The following FSHR variants were observed in gnomAD, a reference collection of about 807,000 sequenced individuals.
FSHR encodes the protein follicle-stimulating hormone receptor.
In FSHR, 46 loss-of-function variants were observed where a neutral mutation model predicts 52.1. That is an observed-to-expected ratio of 0.88 (90% CI 0.70 to 1.13). The LOEUF (loss-of-function observed/expected upper bound fraction) is 1.13. FSHR is among the 50% of genes most tolerant of loss of function. The pLI, the probability that FSHR is intolerant of heterozygous loss-of-function variation, is 0.00. For synonymous variants in FSHR, 399 were observed against 309.6 expected, an observed-to-expected ratio of 1.29 and a Z score of -3.03; for missense variants, 964 against 834.6, an observed-to-expected ratio of 1.16 and a Z score of -1.91.
intron 1 of FSHR, among the ~76,000 whole-genome samples, chr2:49,076,648 CA>C (rs567198515): frequency 8.5e-5 from 13 of 152,168 alleles, no homozygotes; most frequent in Non-Finnish European, 1.8e-4. Context: ...CAAAAATCCA[CA>C]ATCCAGAGTC....
At chr2:49,127,873 TCTTCTTCTTC>T (rs1672110592) in intron 1 of FSHR, among the ~76,000 whole-genome samples, 1 of 45,374 alleles carries the variant, frequency 2.2e-5, no homozygotes, top group African/African-American at 1.6e-4. Context: ...TTCTTCTTCT[TCTTCTTCTTC>T]TTCTTCTTCT....
intron 6 of FSHR, among the ~76,000 whole-genome samples, chr2:48,983,913 C>A (rs1036484481): frequency 6.6e-6 from 1 of 152,014 alleles, no homozygotes; most frequent in Non-Finnish European, 1.5e-5. Context: ...ACAGGGGAGC[C>A]CAAGGACACC....
intron 4 of FSHR, among the ~76,000 whole-genome samples, chr2:49,011,617 A>G (rs909713248): frequency 2.6e-5 from 4 of 152,030 alleles, no homozygotes; most frequent in African/African-American, 7.2e-5. Context: ...TTGTCTAAAC[A>G]TTTGTTTTAA....
At chr2:49,026,361 C>T (rs372398512) in intron 2 of FSHR, among the ~76,000 whole-genome samples, 34 of 152,290 alleles carry the variant, frequency 2.2e-4, no homozygotes, top group African/African-American at 7.7e-4. Flanking sequence ...TAATAGCTAA[C>T]GTTTATTAAG....
intron 1 of FSHR, among the ~76,000 whole-genome samples, chr2:49,147,274 G>A (rs1453977200): frequency 3.9e-5 from 6 of 151,986 alleles, no homozygotes; most frequent in Non-Finnish European, 7.4e-5. Flanking sequence ...AGCTGACCTT[G>A]TGGGCTATAT....
At position 49,154,349 on chromosome 2, in the gene FSHR, A is replaced by G; in HGVS notation, c.69T>C (p.Cys23=). 6.2e-7 allele frequency: 1 copy of G among 1,613,782 alleles called. No homozygotes were observed. Among genetic ancestry groups the G allele is most frequent in the South Asian group, 1.1e-5 (1 of 91,068 alleles). The part of the protein sequence containing the change: ...SLGSGCHHRI[C]HCSNRVFLCQ... ...AGAGAAAAACCCTGTTAGAGCAGTG[A>G]CAGATCCGATGATGACATCCTGAGC... The change falls in exon 1 of 10, where the codon TGT becomes TGC. Residue 23 remains cysteine (C), a synonymous_variant. Transcript: ENST00000406846.
chr2:49,025,405 G>A (rs562426828), intron 2 of FSHR, among the ~76,000 whole-genome samples: 1 of 151,986 alleles, frequency 6.6e-6, no homozygotes. Context: ...TTAGTTACTA[G>A]AAAAAATAAA....
intron 2 of FSHR, among the ~76,000 whole-genome samples, chr2:49,022,090 T>G (rs950565692): frequency 6.6e-6 from 1 of 151,284 alleles, no homozygotes; most frequent in Admixed American, 6.6e-5. Flanking sequence ...GAATAAGGCA[T>G]GCAGGAAAAG....
chr2:49,085,533 A>G (rs11901058), intron 1 of FSHR, among the ~76,000 whole-genome samples: 35,985 of 152,146 alleles, frequency 0.24, 4,397 homozygotes, highest in East Asian at 0.29. Flanking sequence ...TATGTGGTCA[A>G]TTTTGGAATA....
intron 1 of FSHR, among the ~76,000 whole-genome samples, chr2:49,127,812 T>A (rs866978313): frequency 7.1e-5 from 4 of 56,524 alleles, no homozygotes; most frequent in African/African-American, 3.0e-4. Context: ...CTTCTTCTTC[T>A]TCTTCTTCTT....
At chr2:49,136,894 A>G (rs1672509014) in intron 1 of FSHR, among the ~76,000 whole-genome samples, 1 of 152,108 alleles carries the variant, frequency 6.6e-6, no homozygotes, top group Admixed American at 6.6e-5. Flanking sequence ...TGAAAAAACC[A>G]CCACTAACAT....
intron 8 of FSHR, among the ~76,000 whole-genome samples, chr2:48,978,583 C>T (rs971161158): frequency 1.3e-5 from 2 of 152,236 alleles, no homozygotes; most frequent in African/African-American, 4.8e-5. Flanking sequence ...CCACAGGAAA[C>T]TGTTTCCCAA....
intron 8 of FSHR, among the ~76,000 whole-genome samples, chr2:48,973,434 C>G (rs1158689105): frequency 6.6e-6 from 1 of 152,138 alleles, no homozygotes; most frequent in Non-Finnish European, 1.5e-5. Context: ...ATGTCTGACA[C>G]AAAATTGTGA....
chr2:48,979,968 C>A (rs1172460241), intron 8 of FSHR, among the ~76,000 whole-genome samples: 1 of 152,164 alleles, frequency 6.6e-6, no homozygotes, highest in Non-Finnish European at 1.5e-5. Flanking sequence ...CTACTGCACA[C>A]CTACACAAGC....
chr2:49,053,386 T>A (rs1668939828), intron 2 of FSHR, among the ~76,000 whole-genome samples: 2 of 152,156 alleles, frequency 1.3e-5, no homozygotes, highest in Admixed American at 6.6e-5. Context: ...CATACATAAT[T>A]TTTCTGGTTA....
intron 1 of FSHR, among the ~76,000 whole-genome samples, chr2:49,113,505 G>T (rs1448675586): frequency 6.6e-6 from 1 of 152,186 alleles, no homozygotes; most frequent in African/African-American, 2.4e-5. Context: ...GAGAGCTAAG[G>T]TTAGCTCAGC....
At chr2:48,998,483 A>C (rs369613634) in intron 4 of FSHR, among the ~76,000 whole-genome samples, 26 of 152,210 alleles carry the variant, frequency 1.7e-4, no homozygotes, top group African/African-American at 6.0e-4. Context: ...AAGTATAAAA[A>C]ATTCAACATA....
At chr2:49,022,671 T>A (rs1667776954) in intron 2 of FSHR, among the ~76,000 whole-genome samples, 1 of 152,138 alleles carries the variant, frequency 6.6e-6, no homozygotes, top group African/African-American at 2.4e-5. Context: ...TCACACACTT[T>A]CTTCTACCCT....
At chr2:49,010,338 T>A (rs1667223308) in intron 4 of FSHR, among the ~76,000 whole-genome samples, 1 of 149,206 alleles carries the variant, frequency 6.7e-6, no homozygotes, top group South Asian at 2.1e-4. Flanking sequence ...ATTTATTGAT[T>A]TGTGTATATT....
Sources: allele counts gnomAD v4.1 joint callset (sites outside exome capture counted in the v4.1 genomes callset), GRCh38; gene constraint gnomAD v4.1.1; transcripts MANE v1.5; gene names NCBI Gene and HGNC (gene_info 2026-07-23, HGNC 2026-07-21).